The following ST14 variants were observed in gnomAD, a reference collection of about 807,000 sequenced individuals.
ST14 encodes suppressor of tumorigenicity 14 protein.
In ST14, 40 loss-of-function variants were observed where a neutral mutation model predicts 96.5. The observed-to-expected ratio is 0.41, with a 90% confidence interval of 0.32 to 0.54. ST14 has a LOEUF of 0.54. ST14 is among the 20% of genes least tolerant of loss of function. The pLI is 0.17. For synonymous variants in ST14, 506 were observed against 492.1 expected (o/e 1.03, Z -0.37); for missense variants, 1,066 against 1,188.9 (o/e 0.90, Z 1.52).
intron 1 of ST14, among the ~76,000 whole-genome samples, chr11:130,162,974 A>G (rs907933894): frequency 1.3e-5 from 2 of 152,210 alleles, no homozygotes; most frequent in Non-Finnish European, 2.9e-5. Flanking sequence ...TGTGGCTATA[A>G]AATGGTGATG....
chr11:130,198,846 G>C, intron 14 of ST14, 101 bp from the exon 15 acceptor site: 1 of 1,606,160 alleles, frequency 6.2e-7, no homozygotes, highest in Non-Finnish European at 8.5e-7. Context: ...CTGGGTGAGG[G>C]GGTAATGTGC....
At chr11:130,176,971 TG>T (rs1322602591) in intron 1 of ST14, among the ~76,000 whole-genome samples, 3 of 151,284 alleles carry the variant, frequency 2.0e-5, no homozygotes, top group African/African-American at 7.3e-5. Flanking sequence ...GCTAATTTTT[TG>T]TATTTTTAGT....
intron 12 of ST14, 70 bp from the exon 13 acceptor site, chr11:130,198,238 C>T (rs373676228): frequency 3.0e-5 from 43 of 1,432,910 alleles, no homozygotes; most frequent in Admixed American, 1.5e-4. Context: ...TAGCTCTGAT[C>T]GCCTGGGCAT....
At chr11:130,177,113 A>G (rs1328476369) in intron 1 of ST14, among the ~76,000 whole-genome samples, 10 of 151,194 alleles carry the variant, frequency 6.6e-5, no homozygotes, top group Non-Finnish European at 1.5e-4. Flanking sequence ...TAACATTTTT[A>G]GGGTCCTCAA....
intron 1 of ST14, among the ~76,000 whole-genome samples, chr11:130,185,560 G>A (rs1283878584): frequency 3.3e-5 from 5 of 152,150 alleles, no homozygotes; most frequent in Admixed American, 1.3e-4. Context: ...GGAGGCTGAT[G>A]TGGGAGGATT....
rs375020992 is a variant in ST14 at position 130,208,382 on chromosome 11, G to A, written c.1995-28G>A. On this transcript the variant is annotated intron_variant, in intron 16 of 18. Coordinates refer to ENST00000278742, the MANE Select transcript of ST14 (RefSeq NM_021978.4). ...CGTGTGCACAGACCCGAGTGACCGCGCAGTCTCATAGCGGCTCTCCCTACC... is the reference window on the plus strand; with the variant it reads ...CGTGTGCACAGACCCGAGTGACCGCACAGTCTCATAGCGGCTCTCCCTACC... The A allele has an allele frequency of 1.1e-5, 18 of 1,613,604 alleles. No homozygotes were observed. In the South Asian group the frequency reaches 1.8e-4, roughly 16 times the overall value.
chr11:130,207,847 C>T (rs1591898419), intron 16 of ST14, among the ~76,000 whole-genome samples: 1 of 152,280 alleles, frequency 6.6e-6, no homozygotes, highest in East Asian at 1.9e-4. Flanking sequence ...CCGAGGCGGG[C>T]GGATCACAAG....
intron 16 of ST14, among the ~76,000 whole-genome samples, chr11:130,202,181 G>A (rs1217821814): frequency 1.3e-5 from 2 of 152,196 alleles, no homozygotes; most frequent in African/African-American, 4.8e-5. Flanking sequence ...ATCCTGCACT[G>A]CTTCCTCTTT....
intron 16 of ST14, among the ~76,000 whole-genome samples, chr11:130,208,080 TAAATAA>T (rs1301511364): frequency 9.9e-6 from 1 of 100,678 alleles, no homozygotes; most frequent in Non-Finnish European, 2.5e-5. Flanking sequence ...TCTCAATAAA[TAAATAA>T]ATAAATAAAT....
rs977359001 is a variant in ST14, at chr11:130,188,980, T to C, written c.440+41T>C. ...AGGCTCAGTGGGATGCACCCCAGAC[T>C]GGCTGGGAGTAGGATCGGGGTACAG... On this transcript the variant is annotated intron_variant, in intron 4 of 18. Transcript: ENST00000278742. This position sits in a 1 kb window ranked among gnomAD's most constrained non-coding sequence, Gnocchi z 5.4. 1 of 1,577,740 alleles carries C rather than the reference T, an allele frequency of 6.3e-7. No individual in the cohort carries two copies. Among genetic ancestry groups the C allele is most frequent in the Non-Finnish European group, 8.6e-7 (1 of 1,158,350 alleles).
intron 1 of ST14, among the ~76,000 whole-genome samples, chr11:130,183,078 C>T (rs1400542501): frequency 1.3e-5 from 2 of 151,786 alleles, no homozygotes; most frequent in Non-Finnish European, 2.9e-5. Context: ...TGCCTCAGCC[C>T]CCCGAGTAGC....
chr11:130,165,763 A>G (rs1292021059), intron 1 of ST14, among the ~76,000 whole-genome samples: 1 of 152,212 alleles, frequency 6.6e-6, no homozygotes, highest in Admixed American at 6.5e-5. Context: ...CTTTATCCTC[A>G]CAACAGCTGT....
At position 130,188,332 on chromosome 11, in the gene ST14, C is replaced by T. The variant is rs566797533; in HGVS notation, c.241+59C>T. On this transcript the variant is annotated intron_variant, in intron 2 of 18. Transcript: ENST00000278742. This position sits in a 1 kb window ranked among gnomAD's most constrained non-coding sequence, Gnocchi z 5.4. ...GACAAGGGGTGGCTGTCCCTCTTCC[C>T]TCAGCGGACAGACCCAGGGCCACCT... 9.4e-6 allele frequency: 15 copies of T among 1,590,956 alleles called. No homozygotes were observed. The South Asian group carries it at 1.0e-4, about 11-fold the overall frequency.
Position 130,190,464 on chromosome 11 carries a change from C to G in ST14, c.645C>G (p.Ser215Arg), listed in dbSNP as rs376819498. The G allele has an allele frequency of 8.7e-6, 14 of 1,606,888 alleles. No homozygotes were observed. The East Asian group carries it at 3.1e-4, about 36-fold the overall frequency. ...TVQRTQDNSC[S>R]FGLHARGVEL... ...TTGTCTCCTGCGCAGACAGCTGCAG[C>G]TTTGGCCTGCACGCCCGCGGTGTGG... The change falls in exon 7 of 19, where the codon AGC becomes AGG. Residue 215 changes from serine to arginine, a missense_variant. Ser to Arg is a moderately radical substitution (Grantham distance 110). Transcript: ENST00000278742.
chr11:130,208,772 G>A (rs1342048303), intron 17 of ST14, 88 bp downstream of exon 17: 5 of 1,468,668 alleles, frequency 3.4e-6, no homozygotes, highest in African/African-American at 2.8e-5. Flanking sequence ...GTCTCGGGGC[G>A]GGGGGCTGCT....
intron 4 of ST14, 118 bp downstream of exon 4, chr11:130,189,057 C>A: frequency 1.8e-6 from 2 of 1,110,826 alleles, no homozygotes; most frequent in Non-Finnish European, 2.7e-6. Context: ...CCTGGAGAGC[C>A]AAGGAGGGTC....
At chr11:130,195,976 G>A (rs1953358113) in intron 9 of ST14, among the ~76,000 whole-genome samples, 1 of 151,984 alleles carries the variant, frequency 6.6e-6, no homozygotes, top group African/African-American at 2.4e-5. Flanking sequence ...GACCAACATG[G>A]TGAAACCCCA....
chr11:130,207,667 C>T (rs144004944), intron 16 of ST14, among the ~76,000 whole-genome samples: 374 of 152,380 alleles, frequency 2.5e-3, no homozygotes, highest in African/African-American at 8.2e-3. Flanking sequence ...CTGCAGTGCA[C>T]GTGGAAAAGC....
chr11:130,185,044 G>A (rs1281964019), intron 1 of ST14, among the ~76,000 whole-genome samples: 1 of 152,302 alleles, frequency 6.6e-6, no homozygotes, highest in African/African-American at 2.4e-5. Context: ...CAGCCGCCAG[G>A]AGCTTGTTTC....
Sources: allele counts gnomAD v4.1 joint callset (sites outside exome capture counted in the v4.1 genomes callset), GRCh38; gene constraint gnomAD v4.1.1; non-coding constraint Gnocchi (gnomAD v3.1); transcripts MANE v1.5; gene names NCBI Gene and HGNC (gene_info 2026-07-23, HGNC 2026-07-21).